The following SDK1 variants were observed in gnomAD, a reference collection of about 807,000 sequenced individuals.
SDK1 encodes protein sidekick-1.
Under a neutral mutation model 245.5 loss-of-function variants are expected in SDK1, and 157 were observed. The observed-to-expected ratio is 0.64, with a 90% CI of 0.56 to 0.73. The LOEUF (loss-of-function observed/expected upper bound fraction) is 0.73, where lower values mean the gene tolerates loss of function less well. Ranked by LOEUF, SDK1 falls within the 30% of genes least tolerant of loss-of-function variation. The pLI is 0.00. For synonymous variants in SDK1, 1,647 were observed against 1,278.5 expected, an observed-to-expected ratio of 1.29 and a Z score of -6.15; for missense variants, 3,583 against 3,002.3, an observed-to-expected ratio of 1.19 and a Z score of -4.52.
At chr7:4,199,577 T>G (rs1399192657) in intron 35 of SDK1, among the ~76,000 whole-genome samples, 1 of 152,226 alleles carries the variant, frequency 6.6e-6, no homozygotes, top group Non-Finnish European at 1.5e-5. Flanking sequence ...CTCATCCTCC[T>G]TTTCCTATGG....
chr7:3,950,902 TTTCTC>T lies in SDK1; in HGVS notation c.848-18_848-14del, dbSNP rs750633871. On this transcript the variant is annotated splice_polypyrimidine_tract_variant and intron_variant, in intron 5 of 44. Coordinates refer to ENST00000404826, the MANE Select transcript of SDK1 (RefSeq NM_152744.4). The stretch of plus-strand genomic sequence containing the variant: ...TCCTGTACTTAGAGTTTCATGGACA[TTTCTC>T]TTTTCTCTGCCACAGGAGATGTTGG... The T allele has an allele frequency of 3.1e-6, 5 of 1,595,240 alleles. No individual in the cohort carries two copies. Among genetic ancestry groups the T allele is most frequent in the Non-Finnish European group, 4.3e-6 (5 of 1,163,148 alleles).
intron 1 of SDK1, among the ~76,000 whole-genome samples, chr7:3,609,943 C>G (rs554575491): frequency 6.9e-6 from 1 of 144,082 alleles, no homozygotes; most frequent in Non-Finnish European, 1.5e-5. Context: ...TCAGGTGATC[C>G]GCCCACCTCA....
intron 1 of SDK1, among the ~76,000 whole-genome samples, chr7:3,603,413 G>A (rs1403225637): frequency 6.6e-6 from 1 of 151,296 alleles, no homozygotes; most frequent in Non-Finnish European, 1.5e-5. Flanking sequence ...TTGTAAGGTG[G>A]ATTCCTAGGT....
At chr7:3,713,790 G>A (rs1190379101) in intron 4 of SDK1, among the ~76,000 whole-genome samples, 1 of 152,182 alleles carries the variant, frequency 6.6e-6, no homozygotes, top group African/African-American at 2.4e-5. Flanking sequence ...AAATACATGT[G>A]ATTTGCTAAT....
chr7:3,714,801 G>A (rs1054826852), intron 4 of SDK1, among the ~76,000 whole-genome samples: 1 of 152,132 alleles, frequency 6.6e-6, no homozygotes, highest in Non-Finnish European at 1.5e-5. Context: ...TCCCACTTGT[G>A]CCAGAATGAG....
At chr7:3,798,954 G>C (rs2115032683) in intron 4 of SDK1, among the ~76,000 whole-genome samples, 1 of 152,282 alleles carries the variant, frequency 6.6e-6, no homozygotes, top group East Asian at 1.9e-4. Flanking sequence ...TGTTTCTGTG[G>C]ATTTCTAATG....
At chr7:3,754,237 A>C (rs930638561) in intron 4 of SDK1, among the ~76,000 whole-genome samples, 17 of 152,202 alleles carry the variant, frequency 1.1e-4, no homozygotes, top group Admixed American at 1.0e-3. Flanking sequence ...GGATTTATTA[A>C]GTTATAATTG....
intron 4 of SDK1, among the ~76,000 whole-genome samples, chr7:3,773,859 A>T (rs187855889): frequency 6.6e-6 from 1 of 152,200 alleles, no homozygotes; most frequent in Admixed American, 6.5e-5. Flanking sequence ...GCTTTTGAAT[A>T]TCCTAATCTT....
Position 4,245,191 on chromosome 7 carries a change from C to G in SDK1, c.6252-485C>G, listed in dbSNP as rs906858997. Among the ~76,000 whole-genome samples, 9 of 152,254 alleles carry G rather than the reference C, an allele frequency of 5.9e-5. No individual in the cohort carries two copies. In the South Asian group the frequency reaches 8.3e-4, roughly 14 times the overall value. ...CAGCCAGAGAGGACGAATGCTCCCC[C>G]ACCAGACAGGGAGACCAGGCCTGGT... On this transcript the variant is annotated intron_variant, in intron 43 of 44. Coordinates refer to ENST00000404826, the MANE Select transcript of SDK1 (RefSeq NM_152744.4).
chr7:3,487,643 T>G (rs1781740961), intron 1 of SDK1, among the ~76,000 whole-genome samples: 1 of 149,048 alleles, frequency 6.7e-6, no homozygotes, highest in Non-Finnish European at 1.5e-5. Context: ...TAGTCCCAGC[T>G]ATTCGGAAGA....
intron 4 of SDK1, among the ~76,000 whole-genome samples, chr7:3,789,831 G>A (rs1028325553): frequency 4.6e-5 from 7 of 152,040 alleles, no homozygotes; most frequent in South Asian, 2.1e-4. Flanking sequence ...GCTGACCAGC[G>A]GAACGGGGAC....
intron 1 of SDK1, among the ~76,000 whole-genome samples, chr7:3,412,876 A>G (rs2128578036): frequency 6.6e-6 from 1 of 152,258 alleles, no homozygotes; most frequent in East Asian, 1.9e-4. Flanking sequence ...CAACCTAATG[A>G]CCAGTTGAGA....
chr7:3,607,073 A>G (rs925937330), intron 1 of SDK1, among the ~76,000 whole-genome samples: 2 of 152,138 alleles, frequency 1.3e-5, no homozygotes, highest in African/African-American at 4.8e-5. Context: ...CAATAGTGTA[A>G]TGTCATAGAA....
intron 1 of SDK1, among the ~76,000 whole-genome samples, chr7:3,470,986 C>T (rs904754913): frequency 6.6e-6 from 1 of 152,148 alleles, no homozygotes; most frequent in Non-Finnish European, 1.5e-5. Flanking sequence ...ATCTTTCTTT[C>T]CTCCTCCTTA....
Position 3,489,385 on chromosome 7 carries a change from A to G in SDK1, c.299-129695A>G, listed in dbSNP as rs188346405. Among the ~76,000 whole-genome samples, 376 of 152,358 alleles carry G rather than the reference A, an allele frequency of 2.5e-3. 3 individuals carry two copies. Among genetic ancestry groups the G allele is most frequent in the South Asian group, 0.018 (87 of 4,828 alleles). On this transcript the variant is annotated intron_variant, in intron 1 of 44. Transcript: ENST00000404826. Reference sequence around the variant, plus strand: ...AATTTTCCGGTGATTTTTGTCTTAAATAAGTAATTGCTGCAGCGCTGAAAA... The same window carrying G: ...AATTTTCCGGTGATTTTTGTCTTAAGTAAGTAATTGCTGCAGCGCTGAAAA...
In SDK1 at chr7:4,198,247, A is replaced by AC. The variant is rs570523688; in HGVS notation, c.5099-7626dup. Among the ~76,000 whole-genome samples the AC allele has an allele frequency of 3.7e-4, 56 of 151,164 alleles. 1 individual carries two copies. In the East Asian group the frequency reaches 0.01, roughly 28 times the overall value. On this transcript the variant is annotated intron_variant, in intron 35 of 44. Coordinates refer to ENST00000404826, the MANE Select transcript of SDK1 (RefSeq NM_152744.4). Reference sequence around the variant, plus strand: ...TGCTAGCGGCCCAAACCCATCACACACCCCCCTCATTTGCCCCTCACAGAG... The same window carrying AC: ...TGCTAGCGGCCCAAACCCATCACACACCCCCCCTCATTTGCCCCTCACAGAG...
intron 44 of SDK1, among the ~76,000 whole-genome samples, chr7:4,263,383 G>T (rs975498869): frequency 1.4e-4 from 21 of 151,430 alleles, no homozygotes; most frequent in African/African-American, 3.9e-4. Flanking sequence ...TCTGCTGGGT[G>T]GGGAGGCCAC....
chr7:3,321,773 T>TCTC (rs1779813867), intron 1 of SDK1, among the ~76,000 whole-genome samples: 1 of 75,530 alleles, frequency 1.3e-5, no homozygotes, highest in African/African-American at 6.2e-5. Context: ...CTTCCTTCCT[T>TCTC]CCTTCTCCTT....
chr7:4,136,054 A>C (rs906455066), intron 28 of SDK1, among the ~76,000 whole-genome samples: 3 of 152,226 alleles, frequency 2.0e-5, no homozygotes, highest in African/African-American at 7.2e-5. Context: ...ATTTGTGGTC[A>C]CTGAAAGCCA....
Sources: gnomAD v4.1 joint callset for allele counts (sites outside exome capture counted in the v4.1 genomes callset) on GRCh38, gnomAD v4.1.1 for gene constraint, MANE v1.5 for transcripts, NCBI Gene and HGNC (gene_info 2026-07-23, HGNC 2026-07-21) for gene names.